The following RNF111 variants were observed in gnomAD, a reference collection of about 807,000 sequenced individuals.
RNF111 encodes the protein E3 ubiquitin-protein ligase Arkadia.
RNF111 carries 17 observed loss-of-function variants against 95.1 expected under a neutral mutation model. The observed-to-expected ratio is 0.18, with a 90% CI of 0.12 to 0.27. RNF111 has a LOEUF of 0.27. Ranked by LOEUF, RNF111 falls within the 10% of genes least tolerant of loss-of-function variation. The pLI, the probability that RNF111 is intolerant of heterozygous loss-of-function variation, is 1.00. For missense variants in RNF111, 1,189 were observed against 1,210.4 expected (o/e 0.98, Z 0.26); for synonymous variants, 440 against 414.8 (o/e 1.06, Z -0.74).
At chr15:59,049,434 C>A in intron 2 of RNF111, 1 of 187,104 alleles carries the variant, frequency 5.3e-6, no homozygotes, top group Non-Finnish European at 1.1e-5. Flanking sequence ...TCCAGCAGTT[C>A]AGGCTCCTGT....
chr15:59,030,979 G>C lies in RNF111; in HGVS notation c.157G>C (p.Val53Leu). The C allele has an allele frequency of 6.2e-7, 1 of 1,614,226 alleles. No individual in the cohort carries two copies. The highest frequency in any genetic ancestry group is 8.5e-7 in the Non-Finnish European group (1 of 1,180,042). Reference sequence around the variant, plus strand: ...GGCAGCCAAAAGTTTTCCTGCAGGAGTTGAGATGATTAATAGTAAAGTGGG... The same window carrying C: ...GGCAGCCAAAAGTTTTCCTGCAGGACTTGAGATGATTAATAGTAAAGTGGG... ...IGAAKSFPAG[V>L]EMINSKVGNE... The change falls in exon 2 of 14, where the codon GTT becomes CTT. Residue 53 changes from valine to leucine, a missense_variant. Transcript: ENST00000348370.
At chr15:59,032,896 C>T (rs1419256779) in intron 2 of RNF111, among the ~76,000 whole-genome samples, 1 of 152,176 alleles carries the variant, frequency 6.6e-6, no homozygotes, top group South Asian at 2.1e-4. Context: ...CTGACTCTCT[C>T]TCTCTCTCTC....
At chr15:59,081,335 T>G in intron 8 of RNF111, 51 bp downstream of exon 8, 1 of 1,466,140 alleles carries the variant, frequency 6.8e-7, no homozygotes, top group East Asian at 2.4e-5. Flanking sequence ...TTCTTCTACT[T>G]CCATTGGTCT....
chr15:59,054,188 C>T (rs551863972), intron 3 of RNF111, among the ~76,000 whole-genome samples: 4 of 152,282 alleles, frequency 2.6e-5, no homozygotes, highest in South Asian at 2.1e-4. Flanking sequence ...CCACCCGCCT[C>T]GGCCTCCCAA....
intron 1 of RNF111, among the ~76,000 whole-genome samples, chr15:59,020,835 A>G (rs1417628359): frequency 1.3e-5 from 2 of 152,240 alleles, no homozygotes; most frequent in Non-Finnish European, 2.9e-5. Flanking sequence ...TTTTATGCTA[A>G]AGAAATTTGG....
intron 7 of RNF111, among the ~76,000 whole-genome samples, chr15:59,079,485 T>C (rs748493988): frequency 3.5e-4 from 54 of 152,196 alleles, no homozygotes; most frequent in Non-Finnish European, 6.6e-4. Flanking sequence ...AGGCATACTT[T>C]GAAAATATAG....
intron 2 of RNF111, among the ~76,000 whole-genome samples, chr15:59,043,482 T>A (rs1241240003): frequency 6.6e-6 from 1 of 152,162 alleles, no homozygotes; most frequent in Non-Finnish European, 1.5e-5. Flanking sequence ...ATTTATTCCT[T>A]GGCTGGGCCC....
At chr15:59,055,943 T>G in intron 4 of RNF111, 98 bp downstream of exon 4, 2 of 874,106 alleles carry the variant, frequency 2.3e-6, no homozygotes, top group South Asian at 5.8e-5. Flanking sequence ...TGGTAATATA[T>G]TATTAAACTA....
chr15:59,040,823 A>G (rs977652021), intron 2 of RNF111, among the ~76,000 whole-genome samples: 2 of 152,170 alleles, frequency 1.3e-5, no homozygotes, highest in Non-Finnish European at 2.9e-5. Flanking sequence ...CCAATTTCAC[A>G]TGCATTTAGG....
At chr15:59,004,047 C>G (rs1457299236) in intron 1 of RNF111, 1 of 467,572 alleles carries the variant, frequency 2.1e-6, no homozygotes, top group African/African-American at 2.1e-5. Flanking sequence ...TGTGTTTATC[C>G]TCCTTGCCGT....
At chr15:59,033,100 G>T (rs1358769663) in intron 2 of RNF111, among the ~76,000 whole-genome samples, 2 of 152,180 alleles carry the variant, frequency 1.3e-5, no homozygotes. Flanking sequence ...TGAAATTAGG[G>T]AATAGGGTAA....
intron 2 of RNF111, among the ~76,000 whole-genome samples, chr15:59,038,330 A>T (rs968271444): frequency 6.6e-6 from 1 of 152,098 alleles, no homozygotes; most frequent in Non-Finnish European, 1.5e-5. Flanking sequence ...ATATATATAT[A>T]TTTTCCATGT....
At chr15:59,058,202 G>A (rs1225863562) in intron 4 of RNF111, among the ~76,000 whole-genome samples, 154 bp from the exon 5 acceptor site, 2 of 152,132 alleles carry the variant, frequency 1.3e-5, no homozygotes, top group Non-Finnish European at 2.9e-5. Context: ...TTGCAGTTTA[G>A]CTTTGTGAAC....
intron 1 of RNF111, among the ~76,000 whole-genome samples, chr15:59,011,333 C>CT (rs545078940): frequency 1.4e-3 from 212 of 152,338 alleles, no homozygotes; most frequent in African/African-American, 4.5e-3. Flanking sequence ...ATATTTCTCA[C>CT]TAACTGCTAG....
intron 6 of RNF111, among the ~76,000 whole-genome samples, chr15:59,075,366 A>G (rs2140130653): frequency 6.6e-6 from 1 of 152,374 alleles, no homozygotes; most frequent in African/African-American, 2.4e-5. Flanking sequence ...ATGTTTTTGA[A>G]CAAGTGAAAG....
chr15:59,005,596 C>T (rs1018370523), intron 1 of RNF111, among the ~76,000 whole-genome samples: 6 of 151,912 alleles, frequency 3.9e-5, no homozygotes, highest in African/African-American at 1.5e-4. Context: ...GTCTAATCTT[C>T]AAGAGGAATT....
At chr15:59,040,992 T>A (rs572771735) in intron 2 of RNF111, among the ~76,000 whole-genome samples, 34 of 152,334 alleles carry the variant, frequency 2.2e-4, no homozygotes, top group African/African-American at 7.7e-4. Context: ...TCATTTTTTT[T>A]CTTCAAAAAT....
In RNF111 at chr15:59,081,022, C is replaced by T. The variant is rs754192204; in HGVS notation, c.2035C>T (p.Pro679Ser). 2.5e-6 allele frequency: 4 copies of T among 1,614,010 alleles called. No homozygotes were observed. The highest frequency in any genetic ancestry group is 2.7e-5 in the African/African-American group (2 of 74,898). ...CCCCCCTCCTCAGACTCAGCCTCCG[C>T]CTCAAGTGGATTATGTTATTCCTCA... is the stretch of plus-strand genomic sequence containing the variant. ...GNPPPQTQPP[P>S]QVDYVIPHPV... The change falls in exon 8 of 14, where the codon CCT becomes TCT. Residue 679 changes from proline to serine, a missense_variant. Physicochemically the swap from Pro to Ser is moderately conservative, Grantham distance 74. Coordinates refer to ENST00000348370, the MANE Select transcript of RNF111 (RefSeq NM_017610.8).
chr15:59,011,152 A>T (rs1243850838), intron 1 of RNF111, among the ~76,000 whole-genome samples: 1 of 152,196 alleles, frequency 6.6e-6, no homozygotes, highest in Non-Finnish European at 1.5e-5. Context: ...AAACTCTGCC[A>T]TGAGAAATAG....
Sources: gnomAD v4.1 joint callset for allele counts (sites outside exome capture counted in the v4.1 genomes callset) on GRCh38, gnomAD v4.1.1 for gene constraint, MANE v1.5 for transcripts, NCBI Gene and HGNC (gene_info 2026-07-23, HGNC 2026-07-21) for gene names.